Variants in UGT1A3 observed in about 807,000 individuals in gnomAD.
UGT1A3 encodes the protein UDP glucuronosyltransferase family 1 member A3, also known as UDP-glucuronosyltransferase 1A3.
Under a neutral mutation model 41.0 loss-of-function variants are expected in UGT1A3, and 31 were observed. That is an observed-to-expected ratio of 0.76 (90% CI 0.57 to 1.02). UGT1A3 has a LOEUF of 1.02. Among genes scored for constraint, UGT1A3 ranks in the 50% least tolerant of loss-of-function variants. The pLI is 0.00. For missense variants in UGT1A3, 737 were observed against 671.0 expected, an observed-to-expected ratio of 1.10 and a Z score of -1.09; for synonymous variants, 262 against 257.6, an observed-to-expected ratio of 1.02 and a Z score of -0.17.
At position 233,747,396 on chromosome 2, in the gene UGT1A3, A is replaced by G. The variant is rs537889953; in HGVS notation, c.867+17403A>G. 2.9e-5 allele frequency: 46 copies of G among 1,606,394 alleles called. 2 individuals carry two copies. In the African/African-American group the frequency reaches 5.6e-4, roughly 20 times the overall value. On this transcript the variant is annotated intron_variant, in intron 1 of 4. Coordinates refer to ENST00000482026, the MANE Select transcript of UGT1A3 (RefSeq NM_019093.4). ...CAGAGGCCACCAGGCGGTGGTCCTCACCCCAGAGGTGAATATGCACATCAA... is the reference window on the plus strand; with the variant it reads ...CAGAGGCCACCAGGCGGTGGTCCTCGCCCCAGAGGTGAATATGCACATCAA...
At chr2:233,749,912 GT>G (rs559529572) in intron 1 of UGT1A3, among the ~76,000 whole-genome samples, 2 of 151,864 alleles carry the variant, frequency 1.3e-5, no homozygotes, top group African/African-American at 4.9e-5. Context: ...ACCTGGAACT[GT>G]GAGTCAATTA....
chr2:233,769,382 A>G lies in UGT1A3; in HGVS notation c.1307+943A>G. 1 of 1,021,984 alleles carries G rather than the reference A, an allele frequency of 9.8e-7. No individual in the cohort carries two copies. The highest frequency in any genetic ancestry group is 1.6e-5 in the South Asian group (1 of 63,370). 63.3% of individuals were successfully genotyped at this position (1,021,984 alleles called of 1,614,324 possible). On this transcript the variant is annotated intron_variant, in intron 4 of 4. Transcript: ENST00000482026. This position sits in a 1 kb window ranked among gnomAD's most constrained non-coding sequence, Gnocchi z 4.4. ...GGCCAGTGGTAGATTTCATCCGACAATAGATACTGTGTGCATATGTGCGTG... is the reference window on the plus strand; with the variant it reads ...GGCCAGTGGTAGATTTCATCCGACAGTAGATACTGTGTGCATATGTGCGTG...
intron 1 of UGT1A3, among the ~76,000 whole-genome samples, chr2:233,758,687 A>G (rs1165998608): frequency 6.6e-5 from 10 of 152,210 alleles, no homozygotes; most frequent in Non-Finnish European, 1.5e-4. Flanking sequence ...CCCATAGGAC[A>G]CCAAAACTCT....
intron 1 of UGT1A3, chr2:233,743,549 A>C: frequency 2.2e-6 from 3 of 1,367,168 alleles, no homozygotes; most frequent in Non-Finnish European, 2.9e-6. Flanking sequence ...TGACCCCCCC[A>C]AAATATTCTC....
At position 233,729,062 on chromosome 2, in the gene UGT1A3, G is replaced by A. The variant is rs930563151; in HGVS notation, c.-65G>A. Reference sequence around the variant, plus strand: ...GGCTCAGTGACAAGGTAATTAAGATGAAGAAAGCAAATGTAGCAGGCACAG... The same window carrying A: ...GGCTCAGTGACAAGGTAATTAAGATAAAGAAAGCAAATGTAGCAGGCACAG... On this transcript the variant is annotated 5_prime_UTR_variant, in exon 1 of 5. The change abolishes an upstream ATG in the 5' untranslated region. Transcript: ENST00000482026. 176 of 1,610,848 alleles carry A rather than the reference G, an allele frequency of 1.1e-4. No homozygotes were observed. The highest frequency in any genetic ancestry group is 1.2e-4 in the Admixed American group (7 of 59,908).
In UGT1A3 at chr2:233,769,922, G is replaced by A. The variant is rs1699984157; in HGVS notation, c.1307+1483G>A. On this transcript the variant is annotated intron_variant, in intron 4 of 4. Coordinates refer to ENST00000482026, the MANE Select transcript of UGT1A3 (RefSeq NM_019093.4). The surrounding 1 kb of genome is among the most constrained non-coding windows in gnomAD (Gnocchi z 4.4). ...CATCATGTGCCCAGAGCGTTGGGTG[G>A]TGTGGTCCCATTCCTTCCTTCCAGC... 2 of 270,870 alleles carry A rather than the reference G, an allele frequency of 7.4e-6. No homozygotes were observed. The highest frequency in any genetic ancestry group is 1.5e-4 in the South Asian group (2 of 13,602). 16.8% of individuals were successfully genotyped at this position (270,870 alleles called of 1,614,324 possible). A position where few individuals can be genotyped will look rare whatever the true frequency, so the allele number is the denominator to read the frequency against.
intron 1 of UGT1A3, among the ~76,000 whole-genome samples, chr2:233,746,573 G>A (rs1403247476): frequency 6.6e-6 from 1 of 151,756 alleles, no homozygotes; most frequent in Admixed American, 6.5e-5. Flanking sequence ...ACCACACCCT[G>A]TAATTGCCTA....
At position 233,729,868 on chromosome 2, in the gene UGT1A3, A is replaced by C. The variant is rs754430297; in HGVS notation, c.742A>C (p.Ile248Leu). The change falls in exon 1 of 5, where the codon ATT (isoleucine) becomes CTT (leucine). Residue 248 changes from isoleucine (I) to leucine (L), a missense_variant. Coordinates refer to ENST00000482026, the MANE Select transcript of UGT1A3 (RefSeq NM_019093.4). The part of the protein sequence containing the change: ...LFQREVSVVD[I>L]LSHASVWLFR... ...TCAGAGAGAGGTGTCAGTGGTGGAT[A>C]TTCTCAGTCATGCATCTGTGTGGCT... is the stretch of plus-strand genomic sequence containing the variant. The C allele has an allele frequency of 2.6e-5, 42 of 1,613,556 alleles. No individual in the cohort carries two copies. The highest frequency in any genetic ancestry group is 8.3e-5 in the Admixed American group (5 of 59,972).
rs114000345 is a variant in UGT1A3 at position 233,767,118 on chromosome 2, A to G, written c.952A>G (p.Lys318Glu). 1.2e-6 allele frequency: 2 copies of G among 1,614,162 alleles called. No homozygotes were observed. The highest frequency in any genetic ancestry group is 2.2e-5 in the East Asian group (1 of 44,866). The change falls in exon 2 of 5, where the codon AAG becomes GAG. Residue 318 changes from lysine (K) to glutamate (E), a missense_variant. Transcript: ENST00000482026. ...ATCAATGGTCTCAGAAATTCCAGAG[A>G]AGAAAGCTATGGCAATTGCTGATGC... is the stretch of plus-strand genomic sequence containing the variant. ...LGSMVSEIPE[K>E]KAMAIADALG...
Position 233,769,646 on chromosome 2 carries a change from C to T in UGT1A3, c.1307+1207C>T, listed in dbSNP as rs1053692486. 2 of 1,608,424 alleles carry T rather than the reference C, an allele frequency of 1.2e-6. No individual in the cohort carries two copies. Among genetic ancestry groups the T allele is most frequent in the Non-Finnish European group, 1.7e-6 (2 of 1,177,716 alleles). On this transcript the variant is annotated intron_variant, in intron 4 of 4. Transcript: ENST00000482026. The surrounding 1 kb of genome is among the most constrained non-coding windows in gnomAD (Gnocchi z 4.4). ...AGGGACAACAGGGGAGGACTGATGA[C>T]TGACTTCCCACCTTTGAGGTGCTAA...
rs4124874 is a variant in UGT1A3, at chr2:233,757,013, T to G, written c.868-10021T>G. On this transcript the variant is annotated intron_variant, in intron 1 of 4. Coordinates refer to ENST00000482026, the MANE Select transcript of UGT1A3 (RefSeq NM_019093.4). ...AAGCTGGCCAAGGGTAGAGTTCAGT[T>G]TGAACAAAGCAATTTGAGAACATCA... Among the ~76,000 whole-genome samples the G allele has an allele frequency of 0.56, 83,838 of 151,034 alleles. 25,476 individuals are homozygous for G. The highest frequency in any genetic ancestry group is 0.82 in the African/African-American group (33,726 of 41,116).
At chr2:233,767,802 T>C in intron 2 of UGT1A3, 47 bp from the exon 3 acceptor site, 1 of 1,614,174 alleles carries the variant, frequency 6.2e-7, no homozygotes, top group East Asian at 2.2e-5. Flanking sequence ...TGTTTTCTAA[T>C]CATATTATGT....
At chr2:233,754,933 C>CAAAGG (rs1267849400) in intron 1 of UGT1A3, 2 of 1,344,048 alleles carry the variant, frequency 1.5e-6, no homozygotes, top group African/African-American at 3.0e-5. Flanking sequence ...CCCAAGAGGT[C>CAAAGG]AAAGGAGAAT....
rs558465100 is a variant in UGT1A3, at chr2:233,752,900, G to C, written c.868-14134G>C. 2.3e-4 allele frequency among the ~76,000 whole-genome samples: 35 copies of C among 152,364 alleles called. No individual in the cohort carries two copies. The South Asian group carries it at 6.8e-3, about 30-fold the overall frequency. ...GTTAAAACTAGCCAGCGTTGTTACA[G>C]ATCCACCTCTGAGTGACACTGGTAT... On this transcript the variant is annotated intron_variant, in intron 1 of 4. Transcript: ENST00000482026.
At chr2:233,751,830 G>A (rs571499151) in intron 1 of UGT1A3, among the ~76,000 whole-genome samples, 82 of 152,290 alleles carry the variant, frequency 5.4e-4, no homozygotes, top group Non-Finnish European at 9.3e-4. Flanking sequence ...CCAGCCATGT[G>A]GAACTGAGTC....
At chr2:233,740,871 A>C (rs1370147954) in intron 1 of UGT1A3, 1 of 151,850 alleles carries the variant, frequency 6.6e-6, no homozygotes, top group Non-Finnish European at 1.5e-5. Context: ...TCTTTAAATA[A>C]AATGCTCTTG....
chr2:233,742,713 C>T lies in UGT1A3; in HGVS notation c.867+12720C>T, dbSNP rs546122146. 3.3e-4 allele frequency: 50 copies of T among 152,640 alleles called. 1 individual carries two copies. Among genetic ancestry groups the T allele is most frequent in the African/African-American group, 1.1e-3 (46 of 41,252 alleles). 9.5% of individuals were successfully genotyped at this position (152,640 alleles called of 1,614,324 possible). On this transcript the variant is annotated intron_variant, in intron 1 of 4. Coordinates refer to ENST00000482026, the MANE Select transcript of UGT1A3 (RefSeq NM_019093.4). ...GGGAACATGCTTCCACCGATTTCAG[C>T]TCAGTGATATGGGATTCAAATGTCT... is the stretch of plus-strand genomic sequence containing the variant.
rs1302197781 is a variant in UGT1A3, at chr2:233,744,044, A to G, written c.867+14051A>G. ...GAGACGCCCCTTATGACGCAGCCAC[A>G]TCTCATTGGTCGAGGCCTATGAGCG... is the stretch of plus-strand genomic sequence containing the variant. On this transcript the variant is annotated intron_variant, in intron 1 of 4. Coordinates refer to ENST00000482026, the MANE Select transcript of UGT1A3 (RefSeq NM_019093.4). 3 of 731,946 alleles carry G rather than the reference A, an allele frequency of 4.1e-6. No homozygotes were observed. In the Admixed American group the frequency reaches 1.1e-4, roughly 26 times the overall value. The allele number at this position is 731,946 out of a possible 1,614,324, so 45.3% of individuals were successfully genotyped here. A position where few individuals can be genotyped will look rare whatever the true frequency, so the allele number is the denominator to read the frequency against.
At chr2:233,764,663 C>T (rs4148325) in intron 1 of UGT1A3, among the ~76,000 whole-genome samples, 54,844 of 151,792 alleles carry the variant, frequency 0.36, 10,318 homozygotes, top group African/African-American at 0.45. Flanking sequence ...CATTTACCAA[C>T]GCTCAGAAGA....
Sources: gnomAD v4.1 joint callset for allele counts (sites outside exome capture counted in the v4.1 genomes callset) on GRCh38, gnomAD v4.1.1 for gene constraint, Gnocchi (gnomAD v3.1) non-coding constraint, MANE v1.5 for transcripts, NCBI Gene and HGNC (gene_info 2026-07-23, HGNC 2026-07-21) for gene names.